Variants in CCDC68 observed in about 807,000 individuals in gnomAD.
CCDC68 encodes coiled-coil domain containing 68.
CCDC68 carries 45 observed loss-of-function variants against 47.1 expected under a neutral mutation model. That is an observed-to-expected ratio of 0.96 (90% CI 0.75 to 1.23). The LOEUF is 1.23. Among genes scored for constraint, CCDC68 ranks in the 50% most tolerant of loss-of-function variants. CCDC68 has a pLI of 0.00. For synonymous variants in CCDC68, 131 were observed against 129.5 expected (o/e 1.01, Z -0.08); for missense variants, 353 against 373.6 (o/e 0.94, Z 0.45).
intron 10 of CCDC68, among the ~76,000 whole-genome samples, chr18:54,914,957 A>G (rs1165930417): frequency 6.6e-6 from 1 of 152,184 alleles, no homozygotes; most frequent in East Asian, 1.9e-4. Flanking sequence ...CCTCATTGGG[A>G]ACAATATAAA....
At chr18:54,936,096 T>C (rs2044337658) in intron 6 of CCDC68, among the ~76,000 whole-genome samples, 1 of 146,870 alleles carries the variant, frequency 6.8e-6, no homozygotes, top group Non-Finnish European at 1.5e-5. Context: ...TTAAAAAATA[T>C]ATAACTATAT....
chr18:54,922,745 T>C (rs1255014416), intron 8 of CCDC68, among the ~76,000 whole-genome samples: 1 of 152,008 alleles, frequency 6.6e-6, no homozygotes, highest in African/African-American at 2.4e-5. Context: ...CCCAGCACTA[T>C]GGGAGGCCAA....
chr18:54,916,571 AG>A (rs2145410350), intron 10 of CCDC68, among the ~76,000 whole-genome samples: 1 of 152,278 alleles, frequency 6.6e-6, no homozygotes, highest in Admixed American at 6.5e-5. Flanking sequence ...GAACAGCTCC[AG>A]GCAGTGGGTG....
chr18:54,945,060 G>A (rs2044503008), intron 2 of CCDC68, among the ~76,000 whole-genome samples: 1 of 152,154 alleles, frequency 6.6e-6, no homozygotes, highest in African/African-American at 2.4e-5. Flanking sequence ...TAAAAGGATT[G>A]TATCTTTTAG....
chr18:54,923,180 A>G (rs962208969), intron 8 of CCDC68, among the ~76,000 whole-genome samples: 3 of 152,160 alleles, frequency 2.0e-5, no homozygotes, highest in Non-Finnish European at 4.4e-5. Flanking sequence ...AATGAGAAAG[A>G]GCTTAAGACG....
At chr18:54,917,203 C>G (rs1236439807) in intron 10 of CCDC68, among the ~76,000 whole-genome samples, 2 of 152,106 alleles carry the variant, frequency 1.3e-5, no homozygotes, top group Admixed American at 6.6e-5. Context: ...TTTTAAAACA[C>G]TGAAAAGTAA....
chr18:54,952,786 GC>G (rs1188631111), intron 1 of CCDC68, among the ~76,000 whole-genome samples: 3 of 152,230 alleles, frequency 2.0e-5, no homozygotes, highest in Non-Finnish European at 4.4e-5. Flanking sequence ...GCCGAGGCGA[GC>G]TGATCACCTG....
chr18:54,919,517 A>C, intron 8 of CCDC68, 141 bp from the exon 9 acceptor site: 2 of 647,346 alleles, frequency 3.1e-6, no homozygotes, highest in South Asian at 3.5e-5. Context: ...ATTATGCCAC[A>C]TAGGACACAC....
At chr18:54,935,216 G>T (rs1346407474) in intron 6 of CCDC68, among the ~76,000 whole-genome samples, 1 of 152,196 alleles carries the variant, frequency 6.6e-6, no homozygotes, top group African/African-American at 2.4e-5. Context: ...GTATAAGAGA[G>T]AAAGATGCTA....
chr18:54,909,459 A>G (rs1914220174), intron 10 of CCDC68, among the ~76,000 whole-genome samples: 1 of 149,054 alleles, frequency 6.7e-6, no homozygotes, highest in Admixed American at 6.7e-5. Context: ...TCAGTGTTAC[A>G]AGGTGTCATT....
chr18:54,924,850 G>A (rs1406225758), intron 8 of CCDC68, among the ~76,000 whole-genome samples: 1 of 152,120 alleles, frequency 6.6e-6, no homozygotes, highest in Admixed American at 6.5e-5. Flanking sequence ...ATACCATAGC[G>A]GGTAGCATTA....
At chr18:54,934,202 A>C (rs2044307692) in intron 7 of CCDC68, among the ~76,000 whole-genome samples, 2 of 152,340 alleles carry the variant, frequency 1.3e-5, no homozygotes, top group African/African-American at 4.8e-5. Flanking sequence ...ACACAAATTT[A>C]TGTGTTCACC....
chr18:54,938,316 T>C (rs1293466942), intron 4 of CCDC68, among the ~76,000 whole-genome samples: 12 of 152,244 alleles, frequency 7.9e-5, no homozygotes, highest in Admixed American at 1.3e-4. Flanking sequence ...AGAGTTAGAA[T>C]GACATTTTAA....
chr18:54,910,375 T>C (rs972775289), intron 10 of CCDC68, among the ~76,000 whole-genome samples: 3 of 152,178 alleles, frequency 2.0e-5, no homozygotes, highest in Non-Finnish European at 4.4e-5. Flanking sequence ...GTAGCTCTTC[T>C]CTGCAGCTGG....
intron 2 of CCDC68, among the ~76,000 whole-genome samples, chr18:54,943,837 T>C (rs1241340348): frequency 6.6e-6 from 1 of 151,842 alleles, no homozygotes; most frequent in Non-Finnish European, 1.5e-5. Context: ...AAAGAAAAAA[T>C]AAAATATACA....
At chr18:54,910,763 G>T (rs1010007073) in intron 10 of CCDC68, among the ~76,000 whole-genome samples, 1 of 152,226 alleles carries the variant, frequency 6.6e-6, no homozygotes, top group Non-Finnish European at 1.5e-5. Flanking sequence ...GCAGAAGGGG[G>T]TTAGCATGTC....
At chr18:54,952,841 C>T (rs1430800462) in intron 1 of CCDC68, among the ~76,000 whole-genome samples, 1 of 152,072 alleles carries the variant, frequency 6.6e-6, no homozygotes, top group Admixed American at 6.5e-5. Context: ...GGCGAAACCC[C>T]ATCTCTACTA....
chr18:54,914,264 T>C (rs1259777588), intron 10 of CCDC68, among the ~76,000 whole-genome samples: 1 of 152,186 alleles, frequency 6.6e-6, no homozygotes, highest in Non-Finnish European at 1.5e-5. Context: ...GTTGAGAACA[T>C]AAAGTCACTC....
intron 5 of CCDC68, 128 bp downstream of exon 5, chr18:54,937,829 G>A: frequency 1.7e-6 from 1 of 590,160 alleles, no homozygotes; most frequent in Non-Finnish European, 2.8e-6. Flanking sequence ...CTATGTAAGT[G>A]AGCATGCAGA....
Sources: gnomAD v4.1 joint callset for allele counts (sites outside exome capture counted in the v4.1 genomes callset) on GRCh38, gnomAD v4.1.1 for gene constraint, MANE v1.5 for transcripts, NCBI Gene and HGNC (gene_info 2026-07-23, HGNC 2026-07-21) for gene names.